Variants in DNA2 observed in about 807,000 individuals in gnomAD.
DNA2 encodes DNA replication helicase/nuclease 2.
A neutral mutation model predicts 119.1 loss-of-function variants in DNA2; 101 were observed. The observed-to-expected ratio is 0.85, with a 90% CI of 0.72 to 1.00. DNA2 has a LOEUF of 1.00. DNA2 is among the 50% of genes least tolerant of loss of function. The pLI, the probability that DNA2 is intolerant of heterozygous loss-of-function variation, is 0.00. For missense variants in DNA2, 1,121 were observed against 1,255.5 expected, an observed-to-expected ratio of 0.89 and a Z score of 1.62; for synonymous variants, 366 against 424.4, an observed-to-expected ratio of 0.86 and a Z score of 1.69.
At chr10:68,429,589 G>A (rs1468367891) in intron 14 of DNA2, among the ~76,000 whole-genome samples, 1 of 146,678 alleles carries the variant, frequency 6.8e-6, no homozygotes, top group Admixed American at 6.9e-5. Context: ...GCGGGTGCCT[G>A]TAGTCCCAGC....
Position 68,459,105 on chromosome 10 carries a change from G to C in DNA2, c.718C>G (p.Leu240Val). ...ATATAAACAAAATGTGTTTCTTACA[G>C]AGAGAGCTGCATCTGAGGGAAGTCA... ...STDFPQMQLSLPSDNSKDNST... is the reference protein window; with the variant it reads ...STDFPQMQLSVPSDNSKDNST... The change falls in exon 5 of 21, where the codon CTG becomes GTG. Residue 240 changes from leucine (L) to valine (V), a missense_variant and splice_region_variant. Leu to Val is a conservative substitution (Grantham distance 32). Coordinates refer to ENST00000358410, the MANE Select transcript of DNA2 (RefSeq NM_001080449.3). The C allele has an allele frequency of 6.3e-7, 1 of 1,593,324 alleles. No individual in the cohort carries two copies. Among genetic ancestry groups the C allele is most frequent in the Non-Finnish European group, 8.5e-7 (1 of 1,170,146 alleles).
intron 9 of DNA2, among the ~76,000 whole-genome samples, chr10:68,437,980 G>C (rs764072960): frequency 3.5e-4 from 53 of 152,078 alleles, no homozygotes; most frequent in Admixed American, 7.9e-4. Flanking sequence ...CCAAAGTGCT[G>C]GGATTACAGG....
In DNA2 at chr10:68,437,358, G is replaced by A. The variant is rs12775711; in HGVS notation, c.1416-117C>T. 0.067 allele frequency: 59,739 copies of A among 886,098 alleles called. 5,617 individuals are homozygous for A. The highest frequency in any genetic ancestry group is 0.39 in the African/African-American group (23,183 of 58,792). 54.9% of individuals were successfully genotyped at this position (886,098 alleles called of 1,614,324 possible). A position where few individuals can be genotyped will look rare whatever the true frequency, so the allele number is the denominator to read the frequency against. On this transcript the variant is annotated intron_variant, in intron 9 of 20. Transcript: ENST00000358410. The stretch of plus-strand genomic sequence containing the variant: ...ACTCCTAAAAATTATTATTGAGGCC[G>A]GGTGTGGTGGCTCACGCCTGTAATC...
rs764127648 is a variant in DNA2 at position 68,470,113 on chromosome 10, C to T, written c.125G>A (p.Gly42Glu). 3 of 1,613,102 alleles carry T rather than the reference C, an allele frequency of 1.9e-6. No individual in the cohort carries two copies. The highest frequency in any genetic ancestry group is 2.5e-6 in the Non-Finnish European group (3 of 1,179,742). ...CAACACCAGGTACCGGTTATCCATTCCTGTGCTCAGAACTGTTCTTGGAAA... is the reference window on the plus strand; with the variant it reads ...CAACACCAGGTACCGGTTATCCATTTCTGTGCTCAGAACTGTTCTTGGAAA... ...ASFPRTVLST[G>E]MDNRYLVLAV... is the part of the protein sequence containing the mutation. Residue 42 changes from glycine (G) to glutamate (E), a missense_variant, in exon 2 of 21, where the codon GGA becomes GAA. Coordinates refer to ENST00000358410, the MANE Select transcript of DNA2 (RefSeq NM_001080449.3).
chr10:68,469,886 A>G, intron 2 of DNA2, 95 bp downstream of exon 2: 2 of 1,143,026 alleles, frequency 1.7e-6, no homozygotes, highest in South Asian at 3.6e-5. Context: ...CTTTTAAACA[A>G]TTAAATTATA....
In DNA2 at chr10:68,450,048, A is replaced by C; in HGVS notation, c.919T>G (p.Ser307Ala). ...TATACCTGACTACGGTGTTCAATAG[A>C]ATTTGATTCTTTGCCAGTTTTAAGT... ...LELKTGKESN[S>A]IEHRSQVVLY... Residue 307 changes from serine (S) to alanine (A), a missense_variant, in exon 6 of 21, where the codon TCT (serine) becomes GCT (alanine). Transcript: ENST00000358410. 1 of 1,594,554 alleles carries C rather than the reference A, an allele frequency of 6.3e-7. No homozygotes were observed. Among genetic ancestry groups the C allele is most frequent in the Non-Finnish European group, 8.6e-7 (1 of 1,169,162 alleles).
Position 68,465,813 on chromosome 10 carries a change from C to A in DNA2, c.442-1G>T. The stretch of plus-strand genomic sequence containing the variant: ...TTTGGCGTGTGGCTGGATCAGAGCT[C>A]TACAAAAGCAAATCACACAGTTTAT... On this transcript the variant is annotated splice_acceptor_variant, in intron 3 of 20. Transcript: ENST00000358410. LOFTEE classifies it high-confidence loss of function. 1.3e-6 allele frequency: 2 copies of A among 1,523,920 alleles called. No homozygotes were observed. The highest frequency in any genetic ancestry group is 1.8e-6 in the Non-Finnish European group (2 of 1,135,158). 94.4% of individuals were successfully genotyped at this position (1,523,920 alleles called of 1,614,324 possible). A position where few individuals can be genotyped will look rare whatever the true frequency, so the allele number is the denominator to read the frequency against.
chr10:68,462,023 T>C (rs2052266452), intron 4 of DNA2, among the ~76,000 whole-genome samples: 2 of 152,148 alleles, frequency 1.3e-5, no homozygotes, highest in South Asian at 4.1e-4. Flanking sequence ...TTTTTTACAA[T>C]AGTTTTTTCA....
intron 4 of DNA2, among the ~76,000 whole-genome samples, chr10:68,462,262 C>T (rs61855138): frequency 0.044 from 6,669 of 152,112 alleles, 214 homozygotes; most frequent in Middle Eastern, 0.088. Context: ...ATCCCAGCTA[C>T]TCAGGAGGCT....
chr10:68,459,723 G>A (rs1249331293), intron 4 of DNA2, among the ~76,000 whole-genome samples: 2 of 152,100 alleles, frequency 1.3e-5, no homozygotes, highest in East Asian at 1.9e-4. Context: ...CCTCTGAACT[G>A]TACCCTTAAA....
chr10:68,420,427 C>T (rs2051649545), intron 17 of DNA2, among the ~76,000 whole-genome samples: 2 of 152,130 alleles, frequency 1.3e-5, no homozygotes, highest in Non-Finnish European at 2.9e-5. Flanking sequence ...ATCCTAGCTA[C>T]TCAGGAGGCT....
rs999847413 is a variant in DNA2 at position 68,442,869 on chromosome 10, C to T, written c.1415+48G>A. 4 of 1,483,506 alleles carry T rather than the reference C, an allele frequency of 2.7e-6. No homozygotes were observed. In the African/African-American group the frequency reaches 5.6e-5, roughly 21 times the overall value. 91.9% of individuals were successfully genotyped at this position (1,483,506 alleles called of 1,614,324 possible). A position where few individuals can be genotyped will look rare whatever the true frequency, so the allele number is the denominator to read the frequency against. On this transcript the variant is annotated intron_variant, in intron 9 of 20. Coordinates refer to ENST00000358410, the MANE Select transcript of DNA2 (RefSeq NM_001080449.3). ...CATAAATTCCAAAGGCCACCTCATT[C>T]ACTAATCCAAACTACTGAAATCTTA...
chr10:68,424,325 G>A (rs191945677), intron 14 of DNA2, among the ~76,000 whole-genome samples: 224 of 152,152 alleles, frequency 1.5e-3, no homozygotes, highest in African/African-American at 5.1e-3. Context: ...GCAACACAGC[G>A]AAAACCGGTC....
At chr10:68,465,964 A>G (rs1005178430) in intron 3 of DNA2, among the ~76,000 whole-genome samples, 152 bp from the exon 4 acceptor site, 5 of 152,310 alleles carry the variant, frequency 3.3e-5, no homozygotes, top group Non-Finnish European at 7.4e-5. Context: ...GCGTGGAATT[A>G]TAAGTGACTT....
At chr10:68,440,908 T>C (rs1019643065) in intron 9 of DNA2, among the ~76,000 whole-genome samples, 2 of 152,186 alleles carry the variant, frequency 1.3e-5, no homozygotes, top group African/African-American at 4.8e-5. Flanking sequence ...AGGCCAGGCA[T>C]AGTGGCTTAT....
At chr10:68,428,359 TGAG>T (rs1276086944) in intron 14 of DNA2, among the ~76,000 whole-genome samples, 1 of 151,822 alleles carries the variant, frequency 6.6e-6, no homozygotes, top group Non-Finnish European at 1.5e-5. Context: ...CACCAAATGC[TGAG>T]GAGATCACTC....
At chr10:68,444,387 C>CA (rs1479217964) in intron 8 of DNA2, among the ~76,000 whole-genome samples, 8 of 149,792 alleles carry the variant, frequency 5.3e-5, no homozygotes, top group African/African-American at 1.5e-4. Context: ...GAGACTGTCT[C>CA]AAAAAAATAA....
intron 5 of DNA2, among the ~76,000 whole-genome samples, chr10:68,454,805 C>CA (rs2052162850): frequency 6.9e-6 from 1 of 145,630 alleles, no homozygotes; most frequent in Admixed American, 6.9e-5. Context: ...GGCTCCATCT[C>CA]AAAAAAAATA....
chr10:68,415,371 G>T (rs1293532784), intron 20 of DNA2, among the ~76,000 whole-genome samples: 2 of 151,690 alleles, frequency 1.3e-5, no homozygotes, highest in Non-Finnish European at 2.9e-5. Context: ...CTGCCTCCTG[G>T]GTTCAAGAGA....
Sources: gnomAD v4.1 joint callset for allele counts (sites outside exome capture counted in the v4.1 genomes callset) on GRCh38, gnomAD v4.1.1 for gene constraint, MANE v1.5 for transcripts, NCBI Gene and HGNC (gene_info 2026-07-23, HGNC 2026-07-21) for gene names.